Variants in PKHD1 observed in about 807,000 individuals in gnomAD.
PKHD1 encodes the protein PKHD1 ciliary IPT domain containing fibrocystin/polyductin.
PKHD1 carries 291 observed loss-of-function variants against 412.0 expected under a neutral mutation model. That is an observed-to-expected ratio of 0.71 (90% CI 0.64 to 0.78). PKHD1 has a LOEUF of 0.78. Among genes scored for constraint, PKHD1 ranks in the 30% least tolerant of loss-of-function variants. PKHD1 has a pLI of 0.00. For missense variants in PKHD1, 4,825 were observed against 4,950.7 expected (o/e 0.97, Z 0.76); for synonymous variants, 1,777 against 1,821.5 (o/e 0.98, Z 0.62).
At chr6:51,783,991 C>T (rs1366314826) in intron 53 of PKHD1, among the ~76,000 whole-genome samples, 1 of 152,130 alleles carries the variant, frequency 6.6e-6, no homozygotes, top group Non-Finnish European at 1.5e-5. Context: ...AAAGACAAAC[C>T]TAAACATGCC....
chr6:52,070,349 G>A (rs2128229053), intron 10 of PKHD1, 57 bp downstream of exon 10: 1 of 1,013,726 alleles, frequency 9.9e-7, no homozygotes, highest in Non-Finnish European at 1.6e-6. Context: ...CAAGATGAGA[G>A]AGATAGGTAA....
chr6:51,661,091 T>C (rs1403791935), intron 60 of PKHD1, among the ~76,000 whole-genome samples: 2 of 152,154 alleles, frequency 1.3e-5, no homozygotes, highest in Admixed American at 6.6e-5. Context: ...TTAGGAACTG[T>C]GTATCCAATG....
intron 61 of PKHD1, among the ~76,000 whole-genome samples, chr6:51,656,448 T>G (rs114918810): frequency 0.021 from 3,147 of 152,112 alleles, 100 homozygotes; most frequent in African/African-American, 0.071. Flanking sequence ...CCATGCCACA[T>G]GCAAGAAGAC....
intron 53 of PKHD1, among the ~76,000 whole-genome samples, chr6:51,786,555 A>G (rs1437373237): frequency 6.6e-6 from 1 of 152,150 alleles, no homozygotes; most frequent in Non-Finnish European, 1.5e-5. Flanking sequence ...TTCATCTACT[A>G]CCACCATTTC....
At chr6:52,072,276 C>T (rs1362091689) in intron 7 of PKHD1, 87 bp from the exon 8 acceptor site, 6 of 856,612 alleles carry the variant, frequency 7.0e-6, no homozygotes, top group Admixed American at 1.9e-5. Context: ...TCAGAGGAAA[C>T]ATGGCTATGA....
At chr6:51,791,205 A>T in intron 53 of PKHD1, 31 bp downstream of exon 53, 1 of 1,608,762 alleles carries the variant, frequency 6.2e-7, no homozygotes, top group Non-Finnish European at 8.5e-7. Flanking sequence ...ATAATTCTCA[A>T]CATGCTCGCA....
rs1800647088 is a variant in PKHD1, at chr6:52,017,018, T to C, written c.5600+392A>G. 2.0e-5 allele frequency among the ~76,000 whole-genome samples: 3 copies of C among 152,246 alleles called. No homozygotes were observed. In the South Asian group the frequency reaches 6.2e-4, roughly 32 times the overall value. ...AATCTGCTGGATTTCTCTATGGCTT[T>C]TTTTCATACTTGTGAATCTGTTTGG... On this transcript the variant is annotated intron_variant, in intron 34 of 66. Transcript: ENST00000371117.
chr6:51,700,078 T>C (rs1164556079), intron 60 of PKHD1, among the ~76,000 whole-genome samples: 1 of 151,994 alleles, frequency 6.6e-6, no homozygotes, highest in African/African-American at 2.4e-5. Flanking sequence ...GTACATCTCA[T>C]AGGAAGCATA....
intron 52 of PKHD1, among the ~76,000 whole-genome samples, chr6:51,796,441 T>C (rs9367456): frequency 6.6e-6 from 1 of 151,728 alleles, no homozygotes; most frequent in Non-Finnish European, 1.5e-5. Context: ...AGTTTTTTTT[T>C]CAAAAAAATC....
intron 37 of PKHD1, among the ~76,000 whole-genome samples, chr6:51,926,335 C>T (rs528344060): frequency 6.6e-6 from 1 of 152,268 alleles, no homozygotes; most frequent in South Asian, 2.1e-4. Flanking sequence ...AGCACCTGGA[C>T]TCAGCTGTGC....
At chr6:51,959,752 C>A in intron 36 of PKHD1, 118 bp downstream of exon 36, 1 of 953,378 alleles carries the variant, frequency 1.0e-6, no homozygotes, top group Non-Finnish European at 1.7e-6. Flanking sequence ...TCAGTTTGGT[C>A]TGAGGATAAA....
intron 35 of PKHD1, among the ~76,000 whole-genome samples, chr6:51,968,583 T>C (rs184611935): frequency 1.2e-4 from 19 of 152,272 alleles, no homozygotes; most frequent in Non-Finnish European, 2.5e-4. Context: ...ATACTGAATA[T>C]AGGGCTGGGT....
chr6:51,683,128 CA>C (rs1286428904), intron 60 of PKHD1, among the ~76,000 whole-genome samples: 1 of 151,934 alleles, frequency 6.6e-6, no homozygotes, highest in African/African-American at 2.4e-5. Context: ...TTTTTACAAA[CA>C]AATTTGCTAG....
intron 37 of PKHD1, among the ~76,000 whole-genome samples, chr6:51,928,598 A>G (rs542023043): frequency 4.0e-5 from 6 of 151,406 alleles, no homozygotes; most frequent in Non-Finnish European, 8.9e-5. Flanking sequence ...GGCACCATGT[A>G]TAGTCCTTAG....
chr6:51,893,082 G>A (rs1779357488), intron 43 of PKHD1, among the ~76,000 whole-genome samples: 1 of 152,074 alleles, frequency 6.6e-6, no homozygotes, highest in South Asian at 2.1e-4. Flanking sequence ...CAGAGAAGGG[G>A]GCTTCTTAAA....
chr6:51,729,460 C>A (rs548018012), intron 60 of PKHD1, among the ~76,000 whole-genome samples: 2 of 152,078 alleles, frequency 1.3e-5, no homozygotes, highest in Non-Finnish European at 2.9e-5. Flanking sequence ...TCTAGTTTTT[C>A]CCTCTGAGTA....
In PKHD1 at chr6:52,026,043, T is replaced by C; in HGVS notation, c.3767A>G (p.Gln1256Arg). The C allele has an allele frequency of 1.2e-6, 2 of 1,614,098 alleles. No individual in the cohort carries two copies. The highest frequency in any genetic ancestry group is 1.7e-6 in the Non-Finnish European group (2 of 1,180,006). The change falls in exon 32 of 67, where the codon CAG becomes CGG. Residue 1256 changes from glutamine (Q) to arginine (R), a missense_variant. Transcript: ENST00000371117. ...SIWCETLPAPQIPDAGAPTVP... is the reference protein window; with the variant it reads ...SIWCETLPAPRIPDAGAPTVP... ...AGTGGGAGCGCCCGCATCGGGTATC[T>C]GGGGGGCTGGCAGGGTTTCACACCA...
intron 50 of PKHD1, 23 bp downstream of exon 50, chr6:51,847,752 C>T (rs1204725758): frequency 6.5e-7 from 1 of 1,530,436 alleles, no homozygotes; most frequent in Admixed American, 1.7e-5. Context: ...GCTCTCAAAA[C>T]ATTCATCCAA....
At chr6:52,022,988 T>C (rs768402564) in intron 32 of PKHD1, 44 bp from the exon 33 acceptor site, 2 of 1,610,654 alleles carry the variant, frequency 1.2e-6, no homozygotes, top group African/African-American at 1.3e-5. Flanking sequence ...CAGGCAAATC[T>C]CCCTTCTTTA....
Sources: gnomAD v4.1 joint callset for allele counts (sites outside exome capture counted in the v4.1 genomes callset) on GRCh38, gnomAD v4.1.1 for gene constraint, MANE v1.5 for transcripts, NCBI Gene and HGNC (gene_info 2026-07-23, HGNC 2026-07-21) for gene names.